Variants in CCDC83 observed in about 807,000 individuals in gnomAD.
CCDC83 encodes coiled-coil domain containing 83, also known as coiled-coil domain-containing protein 83.
In CCDC83, 54 loss-of-function variants were observed where a neutral mutation model predicts 50.1. That is an observed-to-expected ratio of 1.08 (90% CI 0.87 to 1.35). The LOEUF is 1.35. Ranked by LOEUF, CCDC83 falls within the 40% of genes most tolerant of loss-of-function variation. The probability of loss-of-function intolerance (pLI) is 0.00; values close to 1 mark genes in which losing one functional copy is unlikely to be tolerated. For missense variants in CCDC83, 518 were observed against 473.9 expected (o/e 1.09, Z -0.86); for synonymous variants, 161 against 153.3 (o/e 1.05, Z -0.37).
At chr11:85,909,608 A>ATTTTTTTTT (rs1236462113) in intron 7 of CCDC83, among the ~76,000 whole-genome samples, 1 of 65,058 alleles carries the variant, frequency 1.5e-5, no homozygotes, top group African/African-American at 6.5e-5. Context: ...ATCAAAATAC[A>ATTTTTTTTT]CTTTTTTTTT....
intron 7 of CCDC83, among the ~76,000 whole-genome samples, chr11:85,900,145 G>C (rs2093394434): frequency 6.6e-6 from 1 of 152,196 alleles, no homozygotes; most frequent in South Asian, 2.1e-4. Context: ...CTCAGAGTCT[G>C]TGTGTGCTAT....
chr11:85,901,757 A>G (rs942852573), intron 7 of CCDC83, among the ~76,000 whole-genome samples: 2 of 152,030 alleles, frequency 1.3e-5, no homozygotes, highest in African/African-American at 4.8e-5. Context: ...GAACCAGAGC[A>G]GTGGCTCACT....
chr11:85,868,844 A>C (rs964827110), intron 2 of CCDC83, among the ~76,000 whole-genome samples: 1 of 152,230 alleles, frequency 6.6e-6, no homozygotes, highest in African/African-American at 2.4e-5. Flanking sequence ...TAAGGCAGTT[A>C]GAATATTTGA....
chr11:85,912,120 C>T (rs139016038), intron 8 of CCDC83, among the ~76,000 whole-genome samples: 4 of 152,184 alleles, frequency 2.6e-5, no homozygotes, highest in African/African-American at 9.6e-5. Context: ...GAGGGGAAGT[C>T]ACACAAATGT....
chr11:85,900,490 C>T (rs942115104), intron 7 of CCDC83, among the ~76,000 whole-genome samples: 3 of 152,134 alleles, frequency 2.0e-5, no homozygotes, highest in African/African-American at 7.2e-5. Context: ...CCTGCCATAC[C>T]ACATACAGTC....
intron 1 of CCDC83, among the ~76,000 whole-genome samples, chr11:85,855,886 T>A (rs1401967925): frequency 6.6e-6 from 1 of 152,172 alleles, no homozygotes; most frequent in East Asian, 1.9e-4. Flanking sequence ...CCTCACATAC[T>A]CTTGCATCCT....
In CCDC83 at chr11:85,895,304, A is replaced by G. The variant is rs370848158; in HGVS notation, c.523A>G (p.Ile175Val). 2.3e-6 allele frequency: 3 copies of G among 1,294,844 alleles called. No homozygotes were observed. The highest frequency in any genetic ancestry group is 3.1e-6 in the Non-Finnish European group (3 of 965,276). The allele number at this position is 1,294,844 out of a possible 1,614,324, so 80.2% of individuals were successfully genotyped here. A position where few individuals can be genotyped will look rare whatever the true frequency, so the allele number is the denominator to read the frequency against. ...NAEKMSEHYKITLEDTRKKII... is the reference protein window; with the variant it reads ...NAEKMSEHYKVTLEDTRKKII... ...TTTTTTTTTTAAAGAACACTATAAA[A>G]TCACTCTGGAAGATACTAGAAAGAA... Residue 175 changes from isoleucine to valine, a missense_variant, in exon 6 of 11, where the codon ATC (isoleucine) becomes GTC (valine). Transcript: ENST00000342404.
intron 1 of CCDC83, among the ~76,000 whole-genome samples, chr11:85,860,301 CAA>C (rs56657675): frequency 2.5e-4 from 14 of 55,946 alleles, no homozygotes; most frequent in Admixed American, 2.0e-3. Flanking sequence ...GACTCCGTCT[CAA>C]AAAAAAAAAA....
chr11:85,918,660 GA>G (rs1240330763), intron 10 of CCDC83, among the ~76,000 whole-genome samples: 11 of 151,856 alleles, frequency 7.2e-5, no homozygotes, highest in African/African-American at 2.2e-4. Context: ...GTACCTGGGA[GA>G]AAAAAAACCC....
At chr11:85,876,382 T>TA (rs2093269270) in intron 3 of CCDC83, among the ~76,000 whole-genome samples, 2 of 152,232 alleles carry the variant, frequency 1.3e-5, no homozygotes, top group African/African-American at 2.4e-5. Context: ...TTAATAACAT[T>TA]GTACTAATGT....
intron 1 of CCDC83, among the ~76,000 whole-genome samples, chr11:85,859,249 A>G (rs1057500746): frequency 2.0e-5 from 3 of 152,042 alleles, no homozygotes; most frequent in African/African-American, 7.2e-5. Context: ...CACTGCTGAA[A>G]TAAGTCAGAG....
At chr11:85,909,900 C>A (rs1247479759) in intron 7 of CCDC83, among the ~76,000 whole-genome samples, 1 of 152,064 alleles carries the variant, frequency 6.6e-6, no homozygotes, top group Non-Finnish European at 1.5e-5. Context: ...AAACATTAAG[C>A]CTGCTATGTT....
At chr11:85,896,359 C>A (rs1446750166) in intron 6 of CCDC83, among the ~76,000 whole-genome samples, 1 of 144,566 alleles carries the variant, frequency 6.9e-6, no homozygotes, top group Non-Finnish European at 1.5e-5. Flanking sequence ...CGTATTTGCG[C>A]CACTGCACTC....
intron 1 of CCDC83, among the ~76,000 whole-genome samples, chr11:85,862,561 T>C (rs949657181): frequency 8.5e-5 from 13 of 152,236 alleles, no homozygotes; most frequent in Non-Finnish European, 1.8e-4. Context: ...TAAAGCACCA[T>C]GCACAGAGCA....
chr11:85,896,098 C>A (rs536638744), intron 6 of CCDC83, among the ~76,000 whole-genome samples: 12 of 152,210 alleles, frequency 7.9e-5, no homozygotes, highest in African/African-American at 2.2e-4. Context: ...TTGTATTATA[C>A]CAGTTGAGCA....
At chr11:85,915,274 A>C (rs2093472534) in intron 8 of CCDC83, 145 bp from the exon 9 acceptor site, 1 of 598,570 alleles carries the variant, frequency 1.7e-6, no homozygotes, top group Admixed American at 3.3e-5. Flanking sequence ...CTGCCACCCC[A>C]CTGGGCTTTA....
At chr11:85,906,390 T>C (rs1038712630) in intron 7 of CCDC83, among the ~76,000 whole-genome samples, 1 of 152,150 alleles carries the variant, frequency 6.6e-6, no homozygotes, top group Non-Finnish European at 1.5e-5. Flanking sequence ...TCTCATGAGA[T>C]GTCATAAATC....
chr11:85,872,330 G>T (rs2093242978), intron 2 of CCDC83, among the ~76,000 whole-genome samples: 1 of 151,752 alleles, frequency 6.6e-6, no homozygotes, highest in Non-Finnish European at 1.5e-5. Flanking sequence ...ACAAAAAATA[G>T]AAAAATTAGC....
At chr11:85,915,553 T>G (rs2093473744) in intron 9 of CCDC83, 55 bp downstream of exon 9, 1 of 1,287,514 alleles carries the variant, frequency 7.8e-7, no homozygotes, top group Admixed American at 1.9e-5. Context: ...TGTTTTTCAA[T>G]TTAAAAAACA....
Sources: gnomAD v4.1 joint callset for allele counts (sites outside exome capture counted in the v4.1 genomes callset) on GRCh38, gnomAD v4.1.1 for gene constraint, MANE v1.5 for transcripts, NCBI Gene and HGNC (gene_info 2026-07-23, HGNC 2026-07-21) for gene names.